Variants in FBXL7 observed in about 807,000 individuals in gnomAD.
FBXL7 encodes F-box/LRR-repeat protein 7.
A neutral mutation model predicts 38.3 loss-of-function variants in FBXL7; 12 were observed. The ratio of observed to expected loss-of-function variants is 0.31; its 90% CI spans 0.20 to 0.51. The LOEUF (loss-of-function observed/expected upper bound fraction) is 0.51, where lower values mean the gene tolerates loss of function less well. Among genes scored for constraint, FBXL7 ranks in the 20% least tolerant of loss-of-function variants. The pLI is 0.98. For missense variants in FBXL7, 567 were observed against 676.4 expected, an observed-to-expected ratio of 0.84 and a Z score of 1.79; for synonymous variants, 297 against 300.9, an observed-to-expected ratio of 0.99 and a Z score of 0.13.
chr5:15,864,531 G>A lies in FBXL7; in HGVS notation c.128-63359G>A, dbSNP rs371058266. Among the ~76,000 whole-genome samples the A allele has an allele frequency of 1.1e-4, 17 of 151,606 alleles. No individual in the cohort carries two copies. In the East Asian group the frequency reaches 3.0e-3, roughly 26 times the overall value. On this transcript the variant is annotated intron_variant, in intron 2 of 3. Coordinates refer to ENST00000504595, the MANE Select transcript of FBXL7 (RefSeq NM_012304.5). The stretch of plus-strand genomic sequence containing the variant: ...TTGTAGGTGGTTCCCTATCACTGAT[G>A]GTCTATTGACTAGAGTTACGGATGG...
intron 1 of FBXL7, among the ~76,000 whole-genome samples, chr5:15,527,268 TTTAA>T (rs1167348632): frequency 6.6e-6 from 1 of 152,242 alleles, no homozygotes; most frequent in African/African-American, 2.4e-5. Context: ...CTGCCCTACA[TTTAA>T]TTATTATAGT....
At chr5:15,812,234 G>A (rs1001336425) in intron 2 of FBXL7, among the ~76,000 whole-genome samples, 8 of 152,006 alleles carry the variant, frequency 5.3e-5, no homozygotes, top group Admixed American at 5.2e-4. Flanking sequence ...AACTAACATA[G>A]GAACAAAAAA....
chr5:15,519,492 T>C (rs1037087930), intron 1 of FBXL7, among the ~76,000 whole-genome samples: 2 of 151,816 alleles, frequency 1.3e-5, no homozygotes, highest in Non-Finnish European at 1.5e-5. Flanking sequence ...TTGAAATTAA[T>C]TTTTGAGACA....
intron 1 of FBXL7, among the ~76,000 whole-genome samples, chr5:15,591,165 C>T (rs985195814): frequency 1.3e-5 from 2 of 152,098 alleles, no homozygotes; most frequent in African/African-American, 4.8e-5. Context: ...CGCAGTGGCT[C>T]ACACCTGTAA....
intron 2 of FBXL7, among the ~76,000 whole-genome samples, chr5:15,692,195 A>T (rs1743204128): frequency 6.6e-6 from 1 of 152,196 alleles, no homozygotes. Context: ...TCTATGCCTC[A>T]GTTTCCTGCT....
At chr5:15,544,199 C>A (rs1737837404) in intron 1 of FBXL7, among the ~76,000 whole-genome samples, 1 of 152,186 alleles carries the variant, frequency 6.6e-6, no homozygotes, top group Admixed American at 6.5e-5. Context: ...ATAAAAGTTG[C>A]TGTCTGACTC....
chr5:15,628,973 G>C (rs781379857), intron 2 of FBXL7, among the ~76,000 whole-genome samples: 7 of 151,948 alleles, frequency 4.6e-5, no homozygotes, highest in Admixed American at 3.9e-4. Context: ...AGAGCATCTG[G>C]GTTCTTTTAG....
At chr5:15,561,706 C>A (rs539807834) in intron 1 of FBXL7, among the ~76,000 whole-genome samples, 1 of 152,024 alleles carries the variant, frequency 6.6e-6, no homozygotes, top group African/African-American at 2.4e-5. Context: ...CCTTTTACTT[C>A]TCACCCTCAC....
chr5:15,752,532 A>C (rs1431094763), intron 2 of FBXL7, among the ~76,000 whole-genome samples: 6 of 152,126 alleles, frequency 3.9e-5, no homozygotes. Flanking sequence ...TTTTATCCCA[A>C]GCCATTGGAT....
intron 1 of FBXL7, among the ~76,000 whole-genome samples, chr5:15,610,118 C>T (rs2126508518): frequency 6.6e-6 from 1 of 152,294 alleles, no homozygotes; most frequent in South Asian, 2.1e-4. Flanking sequence ...ATGGGGGAAA[C>T]CACCCCCATG....
chr5:15,698,794 A>G (rs1389263621), intron 2 of FBXL7, among the ~76,000 whole-genome samples: 1 of 152,230 alleles, frequency 6.6e-6, no homozygotes, highest in Non-Finnish European at 1.5e-5. Context: ...ATCAAAGGAT[A>G]GCTTAAATGA....
chr5:15,850,935 G>T (rs1015160565), intron 2 of FBXL7, among the ~76,000 whole-genome samples: 1 of 152,342 alleles, frequency 6.6e-6, no homozygotes, highest in Non-Finnish European at 1.5e-5. Context: ...ATCTCTTGCG[G>T]CTTGGCTGTC....
Position 15,736,123 on chromosome 5 carries a change from G to T in FBXL7, c.127+120051G>T, listed in dbSNP as rs1579420129. On this transcript the variant is annotated intron_variant, in intron 2 of 3. Transcript: ENST00000504595. Reference sequence around the variant, plus strand: ...GAAAAGATAATTTATGTGAACTTTTGTATTTTTAAATGAATATTCAATGCA... The same window carrying T: ...GAAAAGATAATTTATGTGAACTTTTTTATTTTTAAATGAATATTCAATGCA... Among the ~76,000 whole-genome samples, 5 of 152,084 alleles carry T rather than the reference G, an allele frequency of 3.3e-5. No individual in the cohort carries two copies. In the East Asian group the frequency reaches 9.6e-4, roughly 29 times the overall value.
At chr5:15,693,440 T>C (rs1743240051) in intron 2 of FBXL7, among the ~76,000 whole-genome samples, 1 of 152,146 alleles carries the variant, frequency 6.6e-6, no homozygotes, top group Non-Finnish European at 1.5e-5. Context: ...AACTTTCTTT[T>C]AAAAAGTGGC....
chr5:15,929,146 G>C (rs765219654), intron 3 of FBXL7, among the ~76,000 whole-genome samples: 7 of 152,144 alleles, frequency 4.6e-5, no homozygotes, highest in Non-Finnish European at 7.3e-5. Context: ...TGCCCACTGT[G>C]GGTGATAAAA....
intron 2 of FBXL7, among the ~76,000 whole-genome samples, chr5:15,855,905 C>T (rs1739257884): frequency 6.6e-6 from 1 of 152,110 alleles, no homozygotes; most frequent in African/African-American, 2.4e-5. Context: ...ACAATTTGAA[C>T]CCAAGCTTGT....
chr5:15,921,219 A>T (rs1220781648), intron 2 of FBXL7, among the ~76,000 whole-genome samples: 1 of 151,958 alleles, frequency 6.6e-6, no homozygotes, highest in Non-Finnish European at 1.5e-5. Flanking sequence ...TATCTCTACT[A>T]AAAATACAAA....
rs1224279824 is a variant in FBXL7 at position 15,938,660 on chromosome 5, T to C, written c.*1474T>C. The C allele has an allele frequency of 9.5e-6, 2 of 209,998 alleles. No individual in the cohort carries two copies. The highest frequency in any genetic ancestry group is 1.9e-5 in the Non-Finnish European group (2 of 106,720). 13.0% of individuals were successfully genotyped at this position (209,998 alleles called of 1,614,324 possible). ...CAGATGAATGGAAGAGGGAACACAC[T>C]GAGATGACTTAGACTCTGGTCCACC... is the stretch of plus-strand genomic sequence containing the variant. On this transcript the variant is annotated 3_prime_UTR_variant, in exon 4 of 4. Transcript: ENST00000504595.
chr5:15,889,165 G>C (rs1740802379), intron 2 of FBXL7, among the ~76,000 whole-genome samples: 1 of 152,132 alleles, frequency 6.6e-6, no homozygotes, highest in Non-Finnish European at 1.5e-5. Flanking sequence ...AAGGAAACTG[G>C]TATGTGGCCA....
Sources: allele counts gnomAD v4.1 joint callset (sites outside exome capture counted in the v4.1 genomes callset), GRCh38; gene constraint gnomAD v4.1.1; transcripts MANE v1.5; gene names NCBI Gene and HGNC (gene_info 2026-07-23, HGNC 2026-07-21).